Variants in PDE6H observed in about 807,000 individuals in gnomAD.
The protein encoded by PDE6H is phosphodiesterase 6H, also known as retinal cone rhodopsin-sensitive cGMP 3',5'-cyclic phosphodiesterase subunit gamma.
PDE6H carries 11 observed loss-of-function variants against 9.2 expected under a neutral mutation model. The observed-to-expected ratio is 1.19, with a 90% CI of 0.75 to 1.97. The LOEUF (loss-of-function observed/expected upper bound fraction) is 1.97, where lower values mean the gene tolerates loss of function less well. PDE6H is among the 30% of genes most tolerant of loss of function. The pLI is 0.00. For missense variants in PDE6H, 98 were observed against 101.5 expected (o/e 0.97, Z 0.15); for synonymous variants, 36 against 33.6 (o/e 1.07, Z -0.25).
Position 14,978,096 on chromosome 12 carries a change from G to A in PDE6H, c.84G>A (p.Gln28=), listed in dbSNP as rs1289826739. 6.2e-7 allele frequency: 1 copy of A among 1,613,776 alleles called. No individual in the cohort carries two copies. Among genetic ancestry groups the A allele is most frequent in the East Asian group, 2.2e-5 (1 of 44,862 alleles). ...GCAAAGGCCCTCCCAAGTTCAAGCA[G>A]AGGCAGACTCGCCAATTCAAGAGTA... The part of the protein sequence containing the change: ...TPRKGPPKFK[Q]RQTRQFKSKP... Residue 28 remains glutamine, a synonymous_variant, in exon 2 of 4, where the codon CAG becomes CAA. Coordinates refer to ENST00000266395, the MANE Select transcript of PDE6H (RefSeq NM_006205.3).
At chr12:14,980,807 T>C (rs1864670782) in intron 3 of PDE6H, among the ~76,000 whole-genome samples, 1 of 152,240 alleles carries the variant, frequency 6.6e-6, no homozygotes, top group Non-Finnish European at 1.5e-5. Flanking sequence ...TTTTTGCTAA[T>C]TATTTCATCT....
In PDE6H at chr12:14,978,154, C is replaced by A. The variant is rs1344030328; in HGVS notation, c.134+8C>A. ...AAAGAAAGGTGTGAAAGGGTAAGAC[C>A]AAAATGAAAAGAAAAACTTTCTATT... is the stretch of plus-strand genomic sequence containing the variant. On this transcript the variant is annotated splice_region_variant and intron_variant, in intron 2 of 3. Transcript: ENST00000266395. The A allele has an allele frequency of 6.2e-7, 1 of 1,612,520 alleles. No individual in the cohort carries two copies. Among genetic ancestry groups the A allele is most frequent in the South Asian group, 1.1e-5 (1 of 91,000 alleles).
intron 1 of PDE6H, among the ~76,000 whole-genome samples, chr12:14,974,767 G>A (rs1864567814): frequency 1.3e-5 from 2 of 152,242 alleles, no homozygotes; most frequent in Admixed American, 6.5e-5. Flanking sequence ...AGCGAGGGCA[G>A]ATGATAATTG....
At chr12:14,977,542 G>C (rs1864614271) in intron 1 of PDE6H, among the ~76,000 whole-genome samples, 1 of 152,122 alleles carries the variant, frequency 6.6e-6, no homozygotes, top group Non-Finnish European at 1.5e-5. Flanking sequence ...AATTCACGTA[G>C]AATGCTTGTG....
intron 3 of PDE6H, among the ~76,000 whole-genome samples, chr12:14,980,918 T>C (rs769032770): frequency 1.4e-4 from 21 of 152,248 alleles, no homozygotes; most frequent in Non-Finnish European, 2.5e-4. Flanking sequence ...CGTTTCTCAA[T>C]ATGTGATTGG....
intron 1 of PDE6H, among the ~76,000 whole-genome samples, chr12:14,977,056 G>C (rs1335098190): frequency 6.6e-6 from 1 of 152,240 alleles, no homozygotes; most frequent in Non-Finnish European, 1.5e-5. Context: ...GGTGTGGATA[G>C]AAGAAGGCAT....
chr12:14,981,361 G>T, intron 3 of PDE6H, 39 bp from the exon 4 acceptor site: 1 of 1,262,140 alleles, frequency 7.9e-7, no homozygotes. Flanking sequence ...CTCTCTTGGG[G>T]TGAGGTTGGC....
chr12:14,975,993 T>C (rs1215357826), intron 1 of PDE6H, among the ~76,000 whole-genome samples: 9 of 151,990 alleles, frequency 5.9e-5, no homozygotes, highest in Admixed American at 5.2e-4. Flanking sequence ...GCTAATCTTT[T>C]GTATTTTTAG....
At chr12:14,973,168 T>C (rs12228166) in intron 1 of PDE6H, 82 bp downstream of exon 1, 17,960 of 152,040 alleles carry the variant, frequency 0.12, 1,177 homozygotes, top group South Asian at 0.25. Flanking sequence ...AAAAGAAAAA[T>C]TGCAGAAGAA....
intron 3 of PDE6H, among the ~76,000 whole-genome samples, chr12:14,980,126 C>T (rs994709801): frequency 7.9e-5 from 12 of 152,186 alleles, no homozygotes; most frequent in South Asian, 2.1e-4. Flanking sequence ...CTATGCTCCA[C>T]CCGGTCATCC....
At chr12:14,979,119 G>C in intron 2 of PDE6H, 60 bp from the exon 3 acceptor site, 1 of 1,123,914 alleles carries the variant, frequency 8.9e-7, no homozygotes, top group Non-Finnish European at 1.4e-6. Flanking sequence ...CTCCATGTGA[G>C]TGACTCCAAA....
chr12:14,978,233 A>G (rs1864627464), intron 2 of PDE6H, 87 bp downstream of exon 2: 2 of 1,244,992 alleles, frequency 1.6e-6, no homozygotes, highest in Non-Finnish European at 2.3e-6. Context: ...TGCTCACAAT[A>G]TTAAACAGAC....
At position 14,978,070 on chromosome 12, in the gene PDE6H, C is replaced by A; in HGVS notation, c.58C>A (p.Arg20Ser). The change falls in exon 2 of 4, where the codon CGC becomes AGC. Residue 20 changes from arginine (R) to serine (S), a missense_variant. Physicochemically the swap from Arg to Ser is moderately radical, Grantham distance 110. Transcript: ENST00000266395. ...TTCAAACCAGGGTCCTACCACCCCA[C>A]GCAAAGGCCCTCCCAAGTTCAAGCA... ...PASNQGPTTP[R>S]KGPPKFKQRQ... is the part of the protein sequence containing the mutation. 6.2e-7 allele frequency: 1 copy of A among 1,613,620 alleles called. No individual in the cohort carries two copies. Among genetic ancestry groups the A allele is most frequent in the East Asian group, 2.2e-5 (1 of 44,834 alleles).
chr12:14,976,465 G>A (rs2120822419), intron 1 of PDE6H, among the ~76,000 whole-genome samples: 2 of 152,308 alleles, frequency 1.3e-5, no homozygotes, highest in Middle Eastern at 6.8e-3. Context: ...GGAATATGCA[G>A]TGTGGCCAGT....
At position 14,981,632 on chromosome 12, in the gene PDE6H, C is replaced by T. The variant is rs1353623208; in HGVS notation, c.*156C>T. On this transcript the variant is annotated 3_prime_UTR_variant, in exon 4 of 4. Transcript: ENST00000266395. ...TCAGTTACTACTAAGAGTTCTCTTACTGTCAGAATCTCTCTTGCAGTACAG... is the reference window on the plus strand; with the variant it reads ...TCAGTTACTACTAAGAGTTCTCTTATTGTCAGAATCTCTCTTGCAGTACAG... 2 of 687,598 alleles carry T rather than the reference C, an allele frequency of 2.9e-6. No individual in the cohort carries two copies. Among genetic ancestry groups the T allele is most frequent in the Admixed American group, 2.1e-5 (1 of 48,428 alleles). 42.6% of individuals were successfully genotyped at this position (687,598 alleles called of 1,614,324 possible).
chr12:14,980,827 T>C (rs1195556068), intron 3 of PDE6H, among the ~76,000 whole-genome samples: 1 of 152,234 alleles, frequency 6.6e-6, no homozygotes, highest in Non-Finnish European at 1.5e-5. Flanking sequence ...TTTCTGTGTG[T>C]CAGCAAGCTT....
At chr12:14,974,688 T>C (rs907391066) in intron 1 of PDE6H, among the ~76,000 whole-genome samples, 1 of 152,246 alleles carries the variant, frequency 6.6e-6, no homozygotes, top group African/African-American at 2.4e-5. Flanking sequence ...GGAAAGCTTC[T>C]TAAGACAGAA....
intron 3 of PDE6H, among the ~76,000 whole-genome samples, chr12:14,980,788 A>T (rs1422085959): frequency 6.6e-6 from 1 of 152,148 alleles, no homozygotes; most frequent in East Asian, 1.9e-4. Flanking sequence ...CAGCTCTACA[A>T]CTATGTGGTT....
intron 2 of PDE6H, 140 bp from the exon 3 acceptor site, chr12:14,979,039 G>C: frequency 1.0e-5 from 7 of 697,064 alleles, no homozygotes; most frequent in Non-Finnish European, 7.8e-6. Flanking sequence ...TCCAGTTCAG[G>C]GCAAACTAAA....
Sources: allele counts gnomAD v4.1 joint callset (sites outside exome capture counted in the v4.1 genomes callset), GRCh38; gene constraint gnomAD v4.1.1; transcripts MANE v1.5; gene names NCBI Gene and HGNC (gene_info 2026-07-23, HGNC 2026-07-21).